KATNAL1: variants seen among roughly 807,000 people sequenced by gnomAD.
The protein encoded by KATNAL1 is katanin p60 ATPase-containing subunit A-like 1.
A neutral mutation model predicts 55.2 loss-of-function variants in KATNAL1; 32 were observed. The ratio of observed to expected loss-of-function variants is 0.58; its 90% confidence interval spans 0.44 to 0.78. The LOEUF (loss-of-function observed/expected upper bound fraction) is 0.78. Among genes scored for constraint, KATNAL1 ranks in the 30% least tolerant of loss-of-function variants. The probability of loss-of-function intolerance (pLI) is 0.00; values close to 1 mark genes in which losing one functional copy is unlikely to be tolerated. For synonymous variants in KATNAL1, 193 were observed against 193.6 expected (o/e 1.00, Z 0.02); for missense variants, 466 against 600.9 (o/e 0.78, Z 2.35).
intron 9 of KATNAL1, among the ~76,000 whole-genome samples, chr13:30,210,871 A>AG (rs2137339280): frequency 6.6e-6 from 1 of 152,334 alleles, no homozygotes; most frequent in African/African-American, 2.4e-5. Context: ...CTCACCTGTT[A>AG]GTATGACATG....
At chr13:30,275,786 AT>A (rs953931752) in intron 3 of KATNAL1, among the ~76,000 whole-genome samples, 62 of 151,096 alleles carry the variant, frequency 4.1e-4, no homozygotes, top group Middle Eastern at 3.4e-3. Flanking sequence ...ATTTCAAAAA[AT>A]ATATATATAT....
chr13:30,275,631 T>C (rs929564820), intron 3 of KATNAL1, among the ~76,000 whole-genome samples: 1 of 152,148 alleles, frequency 6.6e-6, no homozygotes, highest in Admixed American at 6.5e-5. Flanking sequence ...GTTCTAGATA[T>C]CTAATGTACA....
chr13:30,244,044 TA>T (rs1388819244), intron 4 of KATNAL1, among the ~76,000 whole-genome samples: 2 of 152,192 alleles, frequency 1.3e-5, no homozygotes. Context: ...ACCCATCATC[TA>T]CATTAGGTAT....
intron 9 of KATNAL1, among the ~76,000 whole-genome samples, chr13:30,225,604 GTGA>G (rs1357590518): frequency 1.3e-5 from 2 of 151,338 alleles, no homozygotes; most frequent in African/African-American, 4.9e-5. Flanking sequence ...CTTTCAGTAA[GTGA>G]TGATACAACT....
chr13:30,215,289 G>T (rs898908875), intron 9 of KATNAL1, among the ~76,000 whole-genome samples: 32 of 152,116 alleles, frequency 2.1e-4, no homozygotes, highest in African/African-American at 3.9e-4. Context: ...GTGCTGGAGA[G>T]GATGTGGAGA....
chr13:30,265,179 C>T (rs1354707350), intron 3 of KATNAL1, among the ~76,000 whole-genome samples: 6 of 148,718 alleles, frequency 4.0e-5, no homozygotes, highest in Middle Eastern at 3.4e-3. Flanking sequence ...ACAATGAGAA[C>T]ACATGGACAC....
At chr13:30,265,047 A>G (rs1484667072) in intron 3 of KATNAL1, among the ~76,000 whole-genome samples, 1 of 151,676 alleles carries the variant, frequency 6.6e-6, no homozygotes, top group African/African-American at 2.4e-5. Context: ...GCAGCCATAA[A>G]AAATGATGAG....
At chr13:30,253,871 A>C (rs938752386) in intron 4 of KATNAL1, among the ~76,000 whole-genome samples, 10 of 152,176 alleles carry the variant, frequency 6.6e-5, no homozygotes, top group African/African-American at 2.4e-4. Flanking sequence ...AAGATGTGTG[A>C]CTTCACAAAT....
At chr13:30,292,956 CTT>C (rs1208923958) in intron 1 of KATNAL1, among the ~76,000 whole-genome samples, 1 of 152,152 alleles carries the variant, frequency 6.6e-6, no homozygotes, top group East Asian at 1.9e-4. Context: ...TTATATATCA[CTT>C]GTTTTTCCCC....
intron 6 of KATNAL1, among the ~76,000 whole-genome samples, chr13:30,237,371 A>T (rs955091335): frequency 5.9e-5 from 9 of 152,208 alleles, no homozygotes; most frequent in Admixed American, 5.9e-4. Context: ...GTGCAGTCTG[A>T]GAAGTGCTAA....
chr13:30,282,211 A>G (rs1324281134), intron 2 of KATNAL1, among the ~76,000 whole-genome samples: 1 of 152,240 alleles, frequency 6.6e-6, no homozygotes, highest in African/African-American at 2.4e-5. Context: ...TATATAGTCA[A>G]AAGACAGCAA....
intron 6 of KATNAL1, among the ~76,000 whole-genome samples, chr13:30,235,358 A>G (rs779069083): frequency 5.3e-5 from 8 of 152,342 alleles, no homozygotes; most frequent in Non-Finnish European, 1.0e-4. Flanking sequence ...AACAGAAACA[A>G]GAGAAAGGGG....
At chr13:30,278,132 A>G (rs893090030) in intron 3 of KATNAL1, among the ~76,000 whole-genome samples, 1 of 151,904 alleles carries the variant, frequency 6.6e-6, no homozygotes, top group Admixed American at 6.6e-5. Context: ...TACTCAATGT[A>G]TTATATTTCC....
chr13:30,272,455 C>T (rs568942519), intron 3 of KATNAL1, among the ~76,000 whole-genome samples: 4 of 152,186 alleles, frequency 2.6e-5, no homozygotes, highest in Admixed American at 2.6e-4. Flanking sequence ...ATGTATACTA[C>T]ACCTTAAACA....
chr13:30,252,945 C>T (rs1167929648), intron 4 of KATNAL1, among the ~76,000 whole-genome samples: 1 of 152,134 alleles, frequency 6.6e-6, no homozygotes, highest in African/African-American at 2.4e-5. Flanking sequence ...CGGGGTTACA[C>T]TATGTTGCCC....
chr13:30,261,925 G>C (rs1450655817), intron 3 of KATNAL1, among the ~76,000 whole-genome samples: 1 of 151,970 alleles, frequency 6.6e-6, no homozygotes, highest in Non-Finnish European at 1.5e-5. Flanking sequence ...ATTTTTTTCA[G>C]CACCACACCA....
At chr13:30,256,108 A>G (rs1878761273) in intron 3 of KATNAL1, among the ~76,000 whole-genome samples, 1 of 152,252 alleles carries the variant, frequency 6.6e-6, no homozygotes, top group African/African-American at 2.4e-5. Context: ...TGGAAAATTA[A>G]ACATTTCATT....
intron 3 of KATNAL1, among the ~76,000 whole-genome samples, chr13:30,266,484 AATAAG>A (rs1181918665): frequency 1.3e-5 from 2 of 152,228 alleles, no homozygotes; most frequent in South Asian, 2.1e-4. Context: ...TAAGTTTACA[AATAAG>A]ATAATATTAA....
chr13:30,222,702 TACAGAGAA>T (rs1356364834), intron 9 of KATNAL1, among the ~76,000 whole-genome samples: 3 of 151,694 alleles, frequency 2.0e-5, no homozygotes, highest in Non-Finnish European at 4.4e-5. Context: ...GCAAGGGGGG[TACAGAGAA>T]ACAAACAGTA....
Sources: allele counts gnomAD v4.1 joint callset (sites outside exome capture counted in the v4.1 genomes callset), GRCh38; gene constraint gnomAD v4.1.1; transcripts MANE v1.5; gene names NCBI Gene and HGNC (gene_info 2026-07-23, HGNC 2026-07-21).